Variants in ADARB2 observed in about 807,000 individuals in gnomAD.
The protein encoded by ADARB2 is adenosine deaminase RNA specific B2 (inactive).
ADARB2 carries 25 observed loss-of-function variants against 62.2 expected under a neutral mutation model. The ratio of observed to expected loss-of-function variants is 0.40; its 90% CI spans 0.29 to 0.56. The LOEUF is 0.56. ADARB2 is among the 20% of genes least tolerant of loss of function. ADARB2 has a pLI of 0.43. For missense variants in ADARB2, 1,071 were observed against 1,077.4 expected (o/e 0.99, Z 0.08); for synonymous variants, 572 against 500.8 (o/e 1.14, Z -1.90).
intron 1 of ADARB2, among the ~76,000 whole-genome samples, chr10:1,580,665 T>G (rs1420279313): frequency 6.6e-6 from 1 of 152,176 alleles, no homozygotes; most frequent in East Asian, 1.9e-4. Context: ...GAACCTTCTA[T>G]GGGCTTGGAC....
intron 1 of ADARB2, among the ~76,000 whole-genome samples, chr10:1,536,203 G>T (rs908456788): frequency 6.6e-6 from 1 of 152,100 alleles, no homozygotes; most frequent in Non-Finnish European, 1.5e-5. Context: ...GGTTAGATGG[G>T]GTCCTGAGGG....
intron 1 of ADARB2, among the ~76,000 whole-genome samples, chr10:1,431,938 A>G (rs1415902213): frequency 6.6e-6 from 1 of 152,178 alleles, no homozygotes; most frequent in Non-Finnish European, 1.5e-5. Flanking sequence ...CATTAAGTGA[A>G]CTCATAATTT....
chr10:1,332,123 G>T (rs962934430), intron 3 of ADARB2, among the ~76,000 whole-genome samples: 1 of 152,248 alleles, frequency 6.6e-6, no homozygotes, highest in African/African-American at 2.4e-5. Context: ...GGACACACTT[G>T]CTGGGTGTGG....
chr10:1,474,183 T>C (rs1018652424), intron 1 of ADARB2, among the ~76,000 whole-genome samples: 25 of 152,194 alleles, frequency 1.6e-4, no homozygotes, highest in African/African-American at 6.0e-4. Flanking sequence ...ACGTCACATC[T>C]GTAAATTAAA....
At chr10:1,415,144 G>T (rs1178551137) in intron 1 of ADARB2, among the ~76,000 whole-genome samples, 1 of 151,456 alleles carries the variant, frequency 6.6e-6, no homozygotes, top group Non-Finnish European at 1.5e-5. Flanking sequence ...ATGGGTGGAT[G>T]TATGGTGGAT....
intron 1 of ADARB2, among the ~76,000 whole-genome samples, chr10:1,579,748 C>T (rs1332352852): frequency 6.6e-6 from 1 of 152,146 alleles, no homozygotes; most frequent in Non-Finnish European, 1.5e-5. Flanking sequence ...ATTCCTTGGC[C>T]CCAACTGACA....
At chr10:1,385,052 T>A (rs1404147337) in intron 1 of ADARB2, among the ~76,000 whole-genome samples, 1 of 152,190 alleles carries the variant, frequency 6.6e-6, no homozygotes, top group Non-Finnish European at 1.5e-5. Context: ...GCCGTGAACA[T>A]GCGCTAACAA....
intron 1 of ADARB2, among the ~76,000 whole-genome samples, chr10:1,633,549 CATCTATCT>C (rs57536419): frequency 0.087 from 8,803 of 101,514 alleles, 357 homozygotes; most frequent in Admixed American, 0.098. Flanking sequence ...GTCTATCTAT[CATCTATCT>C]ATCTATCTAT....
rs1353228972 is a variant in ADARB2, at chr10:1,560,836, T to C, written c.100+176215A>G. Among the ~76,000 whole-genome samples the C allele has an allele frequency of 3.3e-5, 5 of 152,178 alleles. No homozygotes were observed. The East Asian group carries it at 9.6e-4, about 29-fold the overall frequency. ...GGCTGTTGCAGGGAGTTTGAAGACC[T>C]GCAGGAAACCCTTGCCTTTGAATAA... On this transcript the variant is annotated intron_variant, in intron 1 of 9. Coordinates refer to ENST00000381312, the MANE Select transcript of ADARB2 (RefSeq NM_018702.4).
chr10:1,384,595 G>A (rs919324650), intron 1 of ADARB2, among the ~76,000 whole-genome samples: 2 of 152,188 alleles, frequency 1.3e-5, no homozygotes, highest in Admixed American at 6.5e-5. Flanking sequence ...CAGGCAGTGC[G>A]TGACCATTGT....
intron 1 of ADARB2, among the ~76,000 whole-genome samples, chr10:1,698,097 CCT>C (rs1564198032): frequency 6.6e-6 from 1 of 152,216 alleles, no homozygotes; most frequent in Non-Finnish European, 1.5e-5. Context: ...CTCCCACTGC[CCT>C]CTCTGGCTTC....
intron 2 of ADARB2, among the ~76,000 whole-genome samples, chr10:1,372,725 G>A (rs1041706427): frequency 3.3e-5 from 5 of 152,154 alleles, no homozygotes; most frequent in Non-Finnish European, 5.9e-5. Flanking sequence ...GTTCAAAATA[G>A]AGTATAAGAA....
At position 1,363,791 on chromosome 10, in the gene ADARB2, C is replaced by T. The variant is rs1832286393; in HGVS notation, c.314G>A (p.Gly105Glu). Reference sequence around the variant, plus strand: ...CAGTTTGCACAAGTGGCCCCCATTCCCCTCCTCCAGCGGCCGCTTCCTCTT... The same window carrying T: ...CAGTTTGCACAAGTGGCCCCCATTCTCCTCCTCCAGCGGCCGCTTCCTCTT... ...GAKRKRPLEE[G>E]NGGHLCKLQL... Residue 105 changes from glycine (G) to glutamate (E), a missense_variant, in exon 3 of 10, where the codon GGG (glycine) becomes GAG (glutamate). Transcript: ENST00000381312. 3 of 1,599,108 alleles carry T rather than the reference C, an allele frequency of 1.9e-6. No homozygotes were observed. The highest frequency in any genetic ancestry group is 2.2e-5 in the East Asian group (1 of 44,770).
At chr10:1,483,593 C>T (rs922958441) in intron 1 of ADARB2, among the ~76,000 whole-genome samples, 1 of 152,182 alleles carries the variant, frequency 6.6e-6, no homozygotes, top group Non-Finnish European at 1.5e-5. Flanking sequence ...TCCTTTCTAT[C>T]CCAGAGTATT....
intron 1 of ADARB2, among the ~76,000 whole-genome samples, chr10:1,609,306 C>T (rs962163457): frequency 6.6e-6 from 1 of 152,244 alleles, no homozygotes; most frequent in Non-Finnish European, 1.5e-5. Flanking sequence ...AGCTAGTTCT[C>T]CTGATGATTG....
intron 1 of ADARB2, among the ~76,000 whole-genome samples, chr10:1,616,156 T>G (rs1208903836): frequency 6.6e-6 from 1 of 152,182 alleles, no homozygotes; most frequent in African/African-American, 2.4e-5. Context: ...TTTTCTCCCA[T>G]TTTTCTTGCC....
Position 1,704,911 on chromosome 10 carries a change from G to A in ADARB2, c.100+32140C>T, listed in dbSNP as rs1443453035. ...TCATTTGAGCAGGAAAAGGGTGCAG[G>A]GGAGACCATGAGGGCGTGGGCACCA... On this transcript the variant is annotated intron_variant, in intron 1 of 9. Transcript: ENST00000381312. The surrounding 1 kb of genome is among the most constrained non-coding windows in gnomAD (Gnocchi z 5.6). Among the ~76,000 whole-genome samples the A allele has an allele frequency of 1.3e-5, 2 of 152,080 alleles. No homozygotes were observed. The highest frequency in any genetic ancestry group is 6.5e-5 in the Admixed American group (1 of 15,268).
At chr10:1,705,403 A>T (rs1394752223) in intron 1 of ADARB2, among the ~76,000 whole-genome samples, 1 of 152,096 alleles carries the variant, frequency 6.6e-6, no homozygotes, top group Non-Finnish European at 1.5e-5. Flanking sequence ...ACCGGAGAGG[A>T]CGGACTGGGT....
intron 1 of ADARB2, among the ~76,000 whole-genome samples, chr10:1,731,014 T>C (rs529160616): frequency 6.6e-6 from 1 of 152,346 alleles, no homozygotes; most frequent in South Asian, 2.1e-4. Context: ...ACAGTGCATA[T>C]GGAGGGCCTG....
Sources: gnomAD v4.1 joint callset for allele counts (sites outside exome capture counted in the v4.1 genomes callset) on GRCh38, gnomAD v4.1.1 for gene constraint, Gnocchi (gnomAD v3.1) non-coding constraint, MANE v1.5 for transcripts, NCBI Gene and HGNC (gene_info 2026-07-23, HGNC 2026-07-21) for gene names.